DRC11L: variants seen among roughly 807,000 people sequenced by gnomAD.
DRC11L encodes the protein dynein regulatory complex subunit 11 like, also known as dynein regulatory complex subunit like-11.
chr7:151,191,502 G>A, the DRC11L span: 2 of 397,412 alleles, frequency 5.0e-6, no homozygotes, highest in Middle Eastern at 6.3e-4. Flanking sequence ...TCCCTTCCCA[G>A]CTGAGCTCCA....
chr7:151,204,825 C>A, the DRC11L span: 1 of 399,092 alleles, frequency 2.5e-6, no homozygotes, highest in South Asian at 1.3e-4. Flanking sequence ...CTCCCAGAGG[C>A]GCTGGTAAGC....
the DRC11L span, among the ~76,000 whole-genome samples, chr7:151,194,052 T>C: frequency 6.6e-6 from 1 of 152,020 alleles, no homozygotes; most frequent in Non-Finnish European, 1.5e-5. Flanking sequence ...GCGTGGGCTC[T>C]TTCAGCAGGT....
the DRC11L span, chr7:151,194,617 G>A: frequency 2.5e-6 from 1 of 399,376 alleles, no homozygotes; most frequent in Non-Finnish European, 4.4e-6. Flanking sequence ...GGATGGCACA[G>A]GAAGACCCCC....
chr7:151,199,649 C>T, the DRC11L span, among the ~76,000 whole-genome samples: 7 of 152,246 alleles, frequency 4.6e-5, no homozygotes, highest in Admixed American at 3.9e-4. The surrounding 1 kb of genome is among the most constrained non-coding windows in gnomAD (Gnocchi z 5.2). Flanking sequence ...GTGGTAGCCT[C>T]CCAGCCTGCC....
At chr7:151,199,565 CCAA>C in the DRC11L span, among the ~76,000 whole-genome samples, 337 of 152,238 alleles carry the variant, frequency 2.2e-3, 3 homozygotes, top group African/African-American at 7.4e-3. The surrounding 1 kb of genome is among the most constrained non-coding windows in gnomAD (Gnocchi z 5.2). Context: ...CTCTGGCCCC[CCAA>C]CAAGTCTCTG....
the DRC11L span, chr7:151,203,008 A>G: frequency 1.3e-5 from 5 of 399,676 alleles, no homozygotes; most frequent in Non-Finnish European, 2.2e-5. Flanking sequence ...AATCTCTCGC[A>G]TGAAGGTGGC....
At chr7:151,205,302 A>G in the DRC11L span, 6 of 398,660 alleles carry the variant, frequency 1.5e-5, no homozygotes, top group Admixed American at 4.4e-5. Context: ...AAGTTTCCAC[A>G]GTGAAAGCTG....
chr7:151,197,892 C>T, the DRC11L span: 72 of 399,016 alleles, frequency 1.8e-4, no homozygotes, highest in Middle Eastern at 6.2e-4. Flanking sequence ...ATCAGGGAAC[C>T]GGCCAGTAAG....
chr7:151,199,304 C>A, the DRC11L span, among the ~76,000 whole-genome samples: 1 of 152,112 alleles, frequency 6.6e-6, no homozygotes, highest in African/African-American at 2.4e-5. This position sits in a 1 kb window ranked among gnomAD's most constrained non-coding sequence, Gnocchi z 5.2. Flanking sequence ...CCGGCCCCAG[C>A]CCCCGCCTGC....
At chr7:151,196,636 T>A in the DRC11L span, 1 of 399,318 alleles carries the variant, frequency 2.5e-6, no homozygotes, top group Non-Finnish European at 4.4e-6. Flanking sequence ...CACAAGCACA[T>A]GCACACATAC....
the DRC11L span, chr7:151,191,869 C>T: frequency 5.0e-6 from 2 of 399,068 alleles, no homozygotes; most frequent in African/African-American, 4.1e-5. Flanking sequence ...TCATACGCTT[C>T]CAGAGCACTG....
the DRC11L span, chr7:151,191,630 C>A: frequency 1.5e-5 from 6 of 399,260 alleles, no homozygotes; most frequent in East Asian, 1.8e-4. Context: ...CTGGCCCTGC[C>A]ACCTCACCTT....
At chr7:151,202,794 T>G in the DRC11L span, 1 of 397,872 alleles carries the variant, frequency 2.5e-6, no homozygotes, top group Non-Finnish European at 4.4e-6. Flanking sequence ...GAGGCTGCAG[T>G]GAGCTGAAAT....
chr7:151,199,137 A>G, the DRC11L span: 214,249 of 396,846 alleles, frequency 0.54, 60,849 homozygotes, highest in East Asian at 0.79. This position sits in a 1 kb window ranked among gnomAD's most constrained non-coding sequence, Gnocchi z 5.2. Flanking sequence ...ACAAGGCCTC[A>G]CACACACACC....
At chr7:151,197,049 C>A in the DRC11L span, 758 of 399,836 alleles carry the variant, frequency 1.9e-3, 5 homozygotes, top group African/African-American at 0.015. Context: ...ACCGCATCCA[C>A]TTCCTAGAAT....
At chr7:151,204,442 G>C in the DRC11L span, 1 of 398,666 alleles carries the variant, frequency 2.5e-6, no homozygotes, top group Non-Finnish European at 4.4e-6. Context: ...GTCAAGGCCG[G>C]TCCCACCCCA....
At chr7:151,197,583 G>A in the DRC11L span, among the ~76,000 whole-genome samples, 74 of 152,270 alleles carry the variant, frequency 4.9e-4, 1 homozygote, top group Admixed American at 4.4e-3. Flanking sequence ...CTTGGGCCAC[G>A]GGATCTGGAG....
chr7:151,203,329 C>T, the DRC11L span: 1 of 399,236 alleles, frequency 2.5e-6, no homozygotes. Flanking sequence ...AGGGGCCTCT[C>T]TGCATTCTGG....
chr7:151,191,864 C>T, the DRC11L span: 8 of 399,068 alleles, frequency 2.0e-5, no homozygotes, highest in South Asian at 1.3e-4. Context: ...CTCTATCATA[C>T]GCTTCCAGAG....
Sources: gnomAD v4.1 joint callset for allele counts (sites outside exome capture counted in the v4.1 genomes callset) on GRCh38, gnomAD v4.1.1 for gene constraint, Gnocchi (gnomAD v3.1) non-coding constraint, MANE v1.5 for transcripts, NCBI Gene and HGNC (gene_info 2026-07-23, HGNC 2026-07-21) for gene names.